PCNX2: variants seen among roughly 807,000 people sequenced by gnomAD.
PCNX2 encodes the protein pecanex 2, also known as pecanex-like protein 2.
In PCNX2, 168 loss-of-function variants were observed where a neutral mutation model predicts 223.8. The ratio of observed to expected loss-of-function variants is 0.75; its 90% CI spans 0.66 to 0.85. The LOEUF (loss-of-function observed/expected upper bound fraction) is 0.85. Ranked by LOEUF, PCNX2 falls within the 40% of genes least tolerant of loss-of-function variation. The probability of loss-of-function intolerance (pLI) is 0.00; values close to 1 mark genes in which losing one functional copy is unlikely to be tolerated. For missense variants in PCNX2, 2,507 were observed against 2,675.5 expected (o/e 0.94, Z 1.39); for synonymous variants, 1,006 against 1,052.6 (o/e 0.96, Z 0.86).
At chr1:233,013,006 G>A (rs2102814594) in intron 28 of PCNX2, among the ~76,000 whole-genome samples, 1 of 152,260 alleles carries the variant, frequency 6.6e-6, no homozygotes, top group Non-Finnish European at 1.5e-5. Flanking sequence ...AATGTTTTAT[G>A]AAGCCCACAG....
At chr1:233,234,961 AG>A (rs774773021) in intron 9 of PCNX2, among the ~76,000 whole-genome samples, 1 of 151,904 alleles carries the variant, frequency 6.6e-6, no homozygotes, top group Non-Finnish European at 1.5e-5. Context: ...GAACACAGCT[AG>A]GGCAAATGGC....
At chr1:233,130,462 C>G (rs946771584) in intron 21 of PCNX2, among the ~76,000 whole-genome samples, 1 of 91,944 alleles carries the variant, frequency 1.1e-5, no homozygotes, top group Non-Finnish European at 2.3e-5. Flanking sequence ...TGCCCCCCAA[C>G]TTTTGTGTGT....
chr1:233,083,654 G>A (rs1480350076), intron 23 of PCNX2, among the ~76,000 whole-genome samples: 1 of 152,178 alleles, frequency 6.6e-6, no homozygotes, highest in East Asian at 1.9e-4. Flanking sequence ...CATTTATTTT[G>A]TTGTTAGATA....
chr1:233,114,710 T>A (rs1675308895), intron 21 of PCNX2, among the ~76,000 whole-genome samples: 1 of 152,116 alleles, frequency 6.6e-6, no homozygotes, highest in Non-Finnish European at 1.5e-5. Flanking sequence ...GACAGGCGCA[T>A]CCAGAAAGTC....
At chr1:233,043,002 G>A (rs1430263674) in intron 25 of PCNX2, among the ~76,000 whole-genome samples, 2 of 152,196 alleles carry the variant, frequency 1.3e-5, no homozygotes, top group Non-Finnish European at 2.9e-5. Flanking sequence ...CTAACTTGCT[G>A]TAAGCCTCAG....
chr1:233,026,708 G>T (rs1040367528), intron 25 of PCNX2, among the ~76,000 whole-genome samples: 3 of 152,150 alleles, frequency 2.0e-5, no homozygotes, highest in Admixed American at 6.5e-5. Flanking sequence ...TGATGCTAAG[G>T]TTTCTGTCCT....
chr1:233,190,458 G>A (rs545162882), intron 15 of PCNX2, among the ~76,000 whole-genome samples: 4 of 152,284 alleles, frequency 2.6e-5, no homozygotes, highest in East Asian at 1.9e-4. Flanking sequence ...AACTCAGGAC[G>A]TACAAAGGAG....
Position 233,259,352 on chromosome 1 carries a change from G to T in PCNX2, c.518-8C>A. On this transcript the variant is annotated splice_polypyrimidine_tract_variant and splice_region_variant and intron_variant, in intron 4 of 33. Coordinates refer to ENST00000258229, the MANE Select transcript of PCNX2 (RefSeq NM_014801.4). ...CTTCTAATAGAATGACACCTGAAAT[G>T]ACACATGGCAACTTTATTAGCATCA... is the stretch of plus-strand genomic sequence containing the variant. 3 of 1,596,906 alleles carry T rather than the reference G, an allele frequency of 1.9e-6. No individual in the cohort carries two copies. Among genetic ancestry groups the T allele is most frequent in the South Asian group, 2.2e-5 (2 of 89,126 alleles).
At chr1:233,177,049 ATAAAG>A (rs996625464) in intron 17 of PCNX2, among the ~76,000 whole-genome samples, 18 of 152,230 alleles carry the variant, frequency 1.2e-4, no homozygotes, top group African/African-American at 2.9e-4. Context: ...TTGTAAAAAA[ATAAAG>A]TAAAGGTTCC....
At chr1:233,170,599 A>G (rs1679093933) in intron 17 of PCNX2, among the ~76,000 whole-genome samples, 1 of 152,176 alleles carries the variant, frequency 6.6e-6, no homozygotes, top group South Asian at 2.1e-4. Flanking sequence ...AATTAATTTG[A>G]ATCTTTTGTG....
chr1:233,279,940 A>G (rs539146578), intron 1 of PCNX2, among the ~76,000 whole-genome samples: 102 of 152,248 alleles, frequency 6.7e-4, no homozygotes, highest in African/African-American at 2.3e-3. Context: ...ACCTCCTTCT[A>G]TAGGTAACTA....
intron 19 of PCNX2, among the ~76,000 whole-genome samples, chr1:233,144,955 T>G (rs28625611): frequency 2.6e-4 from 6 of 22,978 alleles, no homozygotes; most frequent in East Asian, 2.0e-3. Context: ...GTTGTTTTGT[T>G]TTTTTTTTTT....
chr1:233,248,467 G>A (rs9650972), intron 8 of PCNX2, among the ~76,000 whole-genome samples: 11,077 of 152,020 alleles, frequency 0.073, 1,014 homozygotes, highest in African/African-American at 0.22. Context: ...GAGAAGACAC[G>A]AGATCTAGGG....
At chr1:233,172,847 G>T (rs1490747374) in intron 17 of PCNX2, among the ~76,000 whole-genome samples, 1 of 152,108 alleles carries the variant, frequency 6.6e-6, no homozygotes, top group Non-Finnish European at 1.5e-5. Flanking sequence ...CATAATATCA[G>T]AAATGAAAAA....
intron 21 of PCNX2, among the ~76,000 whole-genome samples, chr1:233,114,126 A>C (rs1675273972): frequency 6.6e-6 from 1 of 152,228 alleles, no homozygotes; most frequent in Non-Finnish European, 1.5e-5. Flanking sequence ...AAAAAGGTAA[A>C]AAGTAGTGCA....
Position 233,259,353 on chromosome 1 carries a change from A to G in PCNX2, c.518-9T>C. 1 of 1,593,584 alleles carries G rather than the reference A, an allele frequency of 6.3e-7. No individual in the cohort carries two copies. The highest frequency in any genetic ancestry group is 8.6e-7 in the Non-Finnish European group (1 of 1,168,136). Reference sequence around the variant, plus strand: ...TTCTAATAGAATGACACCTGAAATGACACATGGCAACTTTATTAGCATCAG... The same window carrying G: ...TTCTAATAGAATGACACCTGAAATGGCACATGGCAACTTTATTAGCATCAG... On this transcript the variant is annotated splice_polypyrimidine_tract_variant and intron_variant, in intron 4 of 33. Coordinates refer to ENST00000258229, the MANE Select transcript of PCNX2 (RefSeq NM_014801.4).
chr1:233,057,232 C>T lies in PCNX2; in HGVS notation c.4135G>A (p.Gly1379Arg). 1 of 1,596,900 alleles carries T rather than the reference C, an allele frequency of 6.3e-7. No homozygotes were observed. The highest frequency in any genetic ancestry group is 8.6e-7 in the Non-Finnish European group (1 of 1,166,372). Residue 1379 changes from glycine (G) to arginine (R), a missense_variant and splice_region_variant, in exon 24 of 34, where the codon GGG becomes AGG. This residue lies in a region of PCNX2 where 1,372 missense variants were observed against 1,509.4 expected (regional missense o/e 0.91). Transcript: ENST00000258229. The stretch of plus-strand genomic sequence containing the variant: ...AAAAAGAGAGAAGAGATCTTCTTAC[C>T]TGGATCTCTTTCAATTTGGACTGCC... Reference protein sequence around the residue: ...RLAVQIERDPGNDDNNLNSIF... With the variant: ...RLAVQIERDPRNDDNNLNSIF...
chr1:233,161,707 A>C (rs1370868616), intron 17 of PCNX2, among the ~76,000 whole-genome samples: 2 of 152,112 alleles, frequency 1.3e-5, no homozygotes, highest in Non-Finnish European at 2.9e-5. Context: ...GTGTTTCCAC[A>C]AACACAGATC....
At chr1:233,204,396 T>C (rs1681321132) in intron 13 of PCNX2, among the ~76,000 whole-genome samples, 1 of 152,184 alleles carries the variant, frequency 6.6e-6, no homozygotes, top group African/African-American at 2.4e-5. Flanking sequence ...AGTACTTTGT[T>C]ACAGCGGCTC....
Sources: gnomAD v4.1 joint callset for allele counts (sites outside exome capture counted in the v4.1 genomes callset) on GRCh38, gnomAD v4.1.1 for gene constraint, gnomAD v4.1.1 regional missense constraint, MANE v1.5 for transcripts, NCBI Gene and HGNC (gene_info 2026-07-23, HGNC 2026-07-21) for gene names.